DAB1: variants seen among roughly 807,000 people sequenced by gnomAD.
The protein encoded by DAB1 is disabled homolog 1.
DAB1 carries 15 observed loss-of-function variants against 64.6 expected under a neutral mutation model. The ratio of observed to expected loss-of-function variants is 0.23; its 90% CI spans 0.16 to 0.36. The LOEUF is 0.36. Among genes scored for constraint, DAB1 ranks in the 10% least tolerant of loss-of-function variants. The probability of loss-of-function intolerance (pLI) is 1.00; values close to 1 mark genes in which losing one functional copy is unlikely to be tolerated. For missense variants in DAB1, 596 were observed against 706.7 expected (o/e 0.84, Z 1.78); for synonymous variants, 235 against 251.9 (o/e 0.93, Z 0.64).
At chr1:57,606,765 AT>A (rs1467014708) in intron 7 of DAB1, among the ~76,000 whole-genome samples, 1 of 102,390 alleles carries the variant, frequency 9.8e-6, no homozygotes, top group African/African-American at 3.7e-5. Context: ...TCTATATATT[AT>A]ATATAAATAT....
intron 1 of DAB1, among the ~76,000 whole-genome samples, chr1:57,372,908 G>A (rs2100940833): frequency 6.6e-6 from 1 of 152,234 alleles, no homozygotes; most frequent in South Asian, 2.1e-4. Flanking sequence ...TGAGCATGGT[G>A]GCTCATGCCT....
At chr1:57,900,267 G>A (rs1040374606) in intron 5 of DAB1, among the ~76,000 whole-genome samples, 6 of 152,196 alleles carry the variant, frequency 3.9e-5, no homozygotes, top group African/African-American at 1.4e-4. Context: ...AGTCTCCCAT[G>A]GAGAGAGGTG....
At chr1:58,372,265 A>G (rs996285620) in intron 3 of DAB1, among the ~76,000 whole-genome samples, 1 of 152,230 alleles carries the variant, frequency 6.6e-6, no homozygotes, top group Non-Finnish European at 1.5e-5. Context: ...ACATGGAATC[A>G]AAAGAAGATT....
At position 58,440,112 on chromosome 1, in the gene DAB1, G is replaced by C. The variant is rs150960676; in HGVS notation, n.257+65948C>G. On this transcript the variant is annotated intron_variant and non_coding_transcript_variant, in intron 3 of 20. Transcript: ENST00000485760. ...ACCATATTTGCAAATCCTGTCTGCA[G>C]TAGGAGTGGGAGGAGAAGAGAATTG... 1.5e-4 allele frequency among the ~76,000 whole-genome samples: 23 copies of C among 152,350 alleles called. No individual in the cohort carries two copies. The East Asian group carries it at 4.1e-3, about 27-fold the overall frequency.
At chr1:57,760,859 T>C (rs753523391) in intron 6 of DAB1, among the ~76,000 whole-genome samples, 11 of 152,276 alleles carry the variant, frequency 7.2e-5, no homozygotes, top group Admixed American at 6.5e-5. Context: ...TTGAAGACTC[T>C]GCTCACACCA....
At position 57,567,926 on chromosome 1, in the gene DAB1, T is replaced by C. The variant is rs557972488; in HGVS notation, n.625+81666A>G. ...TCTTCACAGAATTGGAAAAAACTACTTTAAAGTTCATATGGAACCAAAAAA... is the reference window on the plus strand; with the variant it reads ...TCTTCACAGAATTGGAAAAAACTACCTTAAAGTTCATATGGAACCAAAAAA... On this transcript the variant is annotated intron_variant and non_coding_transcript_variant, in intron 7 of 20. Coordinates refer to the DAB1 transcript ENST00000485760. 5.9e-5 allele frequency among the ~76,000 whole-genome samples: 9 copies of C among 152,124 alleles called. No individual in the cohort carries two copies. The East Asian group carries it at 1.7e-3, about 29-fold the overall frequency.
chr1:57,227,928 G>A (rs575785759), intron 2 of DAB1, among the ~76,000 whole-genome samples: 3 of 152,258 alleles, frequency 2.0e-5, no homozygotes, highest in Middle Eastern at 6.8e-3. Context: ...ACTTATGGGC[G>A]AGTGGAAGGA....
chr1:57,565,202 C>T (rs146784797), intron 7 of DAB1, among the ~76,000 whole-genome samples: 1 of 152,086 alleles, frequency 6.6e-6, no homozygotes, highest in Non-Finnish European at 1.5e-5. Context: ...GAAATAAAAT[C>T]CTTTCCAGAC....
chr1:57,823,240 C>A (rs1652200553), downstream of DAB1, among the ~76,000 whole-genome samples: 1 of 152,000 alleles, frequency 6.6e-6, no homozygotes, highest in African/African-American at 2.4e-5. Flanking sequence ...ACCTCGAACT[C>A]CCAAAGTGCT....
chr1:58,300,465 T>G (rs1424609176), intron 4 of DAB1, among the ~76,000 whole-genome samples: 1 of 151,256 alleles, frequency 6.6e-6, no homozygotes, highest in Non-Finnish European at 1.5e-5. Context: ...GAGAATCGCT[T>G]GAACCTGGGA....
chr1:57,644,297 C>T (rs111979486), intron 7 of DAB1, among the ~76,000 whole-genome samples: 5,199 of 152,184 alleles, frequency 0.034, 289 homozygotes, highest in African/African-American at 0.11. Flanking sequence ...GGCTGAGAGG[C>T]GCACAAGTCC....
intron 4 of DAB1, among the ~76,000 whole-genome samples, chr1:58,297,936 G>C (rs1662030575): frequency 6.6e-6 from 1 of 152,156 alleles, no homozygotes; most frequent in African/African-American, 2.4e-5. Context: ...GGGAGATTGG[G>C]AGAATGGCTC....
In DAB1 at chr1:57,651,313, G is replaced by T. The variant is rs943983018; in HGVS notation, n.552-1648C>A. Among the ~76,000 whole-genome samples, 4 of 151,938 alleles carry T rather than the reference G, an allele frequency of 2.6e-5. No individual in the cohort carries two copies. The South Asian group carries it at 8.3e-4, about 32-fold the overall frequency. On this transcript the variant is annotated intron_variant and non_coding_transcript_variant, in intron 6 of 20. Transcript: ENST00000485760. ...AACAATATCCCATTATAACAACTCA[G>T]TTATTTTACACATTTGGAGTTACAT... is the stretch of plus-strand genomic sequence containing the variant.
chr1:58,140,741 A>G (rs916823558), intron 5 of DAB1, among the ~76,000 whole-genome samples: 38 of 152,314 alleles, frequency 2.5e-4, no homozygotes, highest in Non-Finnish European at 4.4e-4. Context: ...AGTCCTCGGG[A>G]TGTATTTGTT....
intron 14 of DAB1, among the ~76,000 whole-genome samples, chr1:57,007,592 T>C (rs1356256404): frequency 6.6e-6 from 1 of 152,204 alleles, no homozygotes; most frequent in Non-Finnish European, 1.5e-5. Flanking sequence ...CCCTGAAGCT[T>C]CCACCTGTGG....
intron 3 of DAB1, among the ~76,000 whole-genome samples, chr1:58,404,326 G>A (rs1344441608): frequency 6.6e-6 from 1 of 152,236 alleles, no homozygotes; most frequent in African/African-American, 2.4e-5. Context: ...TTCACAAGCA[G>A]ATGAATCCTT....
intron 4 of DAB1, among the ~76,000 whole-genome samples, chr1:58,176,649 T>G (rs1438330653): frequency 6.6e-6 from 1 of 152,124 alleles, no homozygotes; most frequent in Non-Finnish European, 1.5e-5. Context: ...ATTCCACCAA[T>G]GAGGGCAGAA....
chr1:57,902,764 C>A (rs936497739), intron 5 of DAB1, among the ~76,000 whole-genome samples: 2 of 152,002 alleles, frequency 1.3e-5, no homozygotes, highest in East Asian at 3.9e-4. Flanking sequence ...GTACCTTTTC[C>A]CTGTGTAATC....
At chr1:57,531,340 C>A (rs1158082694) in intron 7 of DAB1, among the ~76,000 whole-genome samples, 1 of 152,156 alleles carries the variant, frequency 6.6e-6, no homozygotes, top group Non-Finnish European at 1.5e-5. Context: ...CCACTACCCA[C>A]CGAAATCCTA....
Sources: gnomAD v4.1 joint callset for allele counts (sites outside exome capture counted in the v4.1 genomes callset) on GRCh38, gnomAD v4.1.1 for gene constraint, MANE v1.5 for transcripts, NCBI Gene and HGNC (gene_info 2026-07-23, HGNC 2026-07-21) for gene names.